DPT: variants seen among roughly 807,000 people sequenced by gnomAD.
The protein encoded by DPT is dermatopontin.
DPT carries 21 observed loss-of-function variants against 31.2 expected under a neutral mutation model. The observed-to-expected ratio is 0.67, with a 90% confidence interval of 0.48 to 0.97. The LOEUF is 0.97. Among genes scored for constraint, DPT ranks in the 50% least tolerant of loss-of-function variants. DPT has a pLI of 0.00. For missense variants in DPT, 262 were observed against 258.8 expected (o/e 1.01, Z -0.08); for synonymous variants, 91 against 86.9 (o/e 1.05, Z -0.26).
chr1:168,717,907 G>A (rs1650020815), intron 1 of DPT, among the ~76,000 whole-genome samples: 1 of 152,174 alleles, frequency 6.6e-6, no homozygotes, highest in Admixed American at 6.5e-5. Context: ...ATGGTGGAAA[G>A]GTAGCTTTAG....
chr1:168,727,480 C>G (rs1324347403), intron 1 of DPT, among the ~76,000 whole-genome samples: 1 of 152,082 alleles, frequency 6.6e-6, no homozygotes, highest in African/African-American at 2.4e-5. Context: ...GATTTCCCAT[C>G]ATCACCTCTC....
intron 2 of DPT, among the ~76,000 whole-genome samples, chr1:168,710,485 T>C (rs774411829): frequency 1.8e-4 from 27 of 152,098 alleles, no homozygotes; most frequent in Non-Finnish European, 3.4e-4. Flanking sequence ...GGGTTCAGAG[T>C]GGCAAAGTCA....
intron 1 of DPT, among the ~76,000 whole-genome samples, chr1:168,722,325 CA>C (rs765851303): frequency 5.6e-4 from 85 of 152,168 alleles, no homozygotes; most frequent in Non-Finnish European, 1.0e-3. Flanking sequence ...TTATATGTTC[CA>C]AAAGCAAAAT....
intron 2 of DPT, among the ~76,000 whole-genome samples, chr1:168,713,250 A>G (rs1649905566): frequency 6.6e-6 from 1 of 152,224 alleles, no homozygotes; most frequent in African/African-American, 2.4e-5. Flanking sequence ...TTTCTGCTCC[A>G]TCATACAGTG....
chr1:168,715,178 T>C (rs1474521258), intron 1 of DPT, among the ~76,000 whole-genome samples: 3 of 152,190 alleles, frequency 2.0e-5, no homozygotes, highest in Non-Finnish European at 2.9e-5. Flanking sequence ...AGACAAGAAA[T>C]AATTTTTGCT....
chr1:168,699,244 T>C (rs978067239), intron 3 of DPT, among the ~76,000 whole-genome samples: 4 of 152,172 alleles, frequency 2.6e-5, no homozygotes, highest in Non-Finnish European at 4.4e-5. Flanking sequence ...ACCCCTGTTA[T>C]TTCGTTTTGC....
In DPT at chr1:168,695,612, G is replaced by A. The variant is rs1195082855; in HGVS notation, c.*937C>T. ...AGAAGGAAAGTTGATCCCCAGGGCA[G>A]CCTTTCCCACCAAAAAAATCAGGCC... is the stretch of plus-strand genomic sequence containing the variant. On this transcript the variant is annotated 3_prime_UTR_variant, in exon 4 of 4. Transcript: ENST00000367817. The A allele has an allele frequency of 6.6e-6, 1 of 152,264 alleles. No homozygotes were observed. The highest frequency in any genetic ancestry group is 1.9e-4 in the East Asian group (1 of 5,198). The allele number at this position is 152,264 out of a possible 1,614,324, so 9.4% of individuals were successfully genotyped here.
rs182407888 is a variant in DPT, at chr1:168,701,833, A to G, written c.432-709T>C. 1.1e-4 allele frequency among the ~76,000 whole-genome samples: 17 copies of G among 152,356 alleles called. No homozygotes were observed. In the East Asian group the frequency reaches 3.3e-3, roughly 29 times the overall value. The stretch of plus-strand genomic sequence containing the variant: ...GGAAAGTCAATGAATCTGTTTTCTG[A>G]TCTGTAGAAGAATAAAGTCTACCTT... On this transcript the variant is annotated intron_variant, in intron 2 of 3. Transcript: ENST00000367817.
At chr1:168,699,077 G>A (rs1394742586) in intron 3 of DPT, among the ~76,000 whole-genome samples, 2 of 152,094 alleles carry the variant, frequency 1.3e-5, no homozygotes, top group Non-Finnish European at 2.9e-5. Flanking sequence ...TGAATTTACT[G>A]AAAACTGAAT....
chr1:168,724,377 G>A (rs751077753), intron 1 of DPT, among the ~76,000 whole-genome samples: 5 of 152,218 alleles, frequency 3.3e-5, no homozygotes, highest in African/African-American at 4.8e-5. Context: ...CTTGCGGAGG[G>A]CCGTGGGGAC....
intron 2 of DPT, among the ~76,000 whole-genome samples, chr1:168,707,576 G>A (rs1182971326): frequency 6.6e-6 from 1 of 152,144 alleles, no homozygotes; most frequent in Admixed American, 6.5e-5. Flanking sequence ...AAATACAGTC[G>A]ATATGGTTTG....
At chr1:168,722,560 G>T (rs1379127074) in intron 1 of DPT, among the ~76,000 whole-genome samples, 1 of 152,074 alleles carries the variant, frequency 6.6e-6, no homozygotes. Context: ...CTATAAAATG[G>T]GTTCAAATAA....
At chr1:168,698,775 A>G (rs1649521300) in intron 3 of DPT, among the ~76,000 whole-genome samples, 1 of 152,178 alleles carries the variant, frequency 6.6e-6, no homozygotes, top group South Asian at 2.1e-4. Context: ...ACAGCATTCT[A>G]AGAGGAAACC....
intron 1 of DPT, among the ~76,000 whole-genome samples, chr1:168,728,581 C>T (rs1005824549): frequency 3.3e-5 from 5 of 151,364 alleles, no homozygotes; most frequent in African/African-American, 1.2e-4. Context: ...TTCTCGCCGA[C>T]CTACACCAGC....
chr1:168,729,082 A>T lies in DPT; in HGVS notation c.93T>A (p.His31Gln), dbSNP rs1274806080. ...TCACCCACCCATCATCGCTGTAGTC[A>T]TGATACTGCTGGTATGGGTATCCAT... ...GDYGYPYQQY[H>Q]DYSDDGWVNL... The change falls in exon 1 of 4, where the codon CAT becomes CAA. Residue 31 changes from histidine to glutamine, a missense_variant. His to Gln is a conservative substitution (Grantham distance 24). Coordinates refer to ENST00000367817, the MANE Select transcript of DPT (RefSeq NM_001937.5). 1 of 1,614,232 alleles carries T rather than the reference A, an allele frequency of 6.2e-7. No individual in the cohort carries two copies. Among genetic ancestry groups the T allele is most frequent in the Non-Finnish European group, 8.5e-7 (1 of 1,180,054 alleles).
At chr1:168,708,450 C>T (rs1487932441) in intron 2 of DPT, among the ~76,000 whole-genome samples, 1 of 152,192 alleles carries the variant, frequency 6.6e-6, no homozygotes, top group Admixed American at 6.5e-5. Context: ...CATCTAAACC[C>T]AATATAAGTT....
chr1:168,728,804 GC>G (rs1262647715), intron 1 of DPT, 65 bp downstream of exon 1: 2 of 1,559,034 alleles, frequency 1.3e-6, no homozygotes, highest in East Asian at 4.5e-5. Context: ...GAGTCTAGCA[GC>G]CCCCAGGAGG....
At position 168,698,440 on chromosome 1, in the gene DPT, T is replaced by C. The variant is rs115951097; in HGVS notation, c.540-1825A>G. 7.2e-3 allele frequency among the ~76,000 whole-genome samples: 1,100 copies of C among 152,326 alleles called. 13 individuals are homozygous for C. Among genetic ancestry groups the C allele is most frequent in the African/African-American group, 0.025 (1,056 of 41,564 alleles). ...TGCAGCCAGGTCTTATTTATCTGTG[T>C]AGCAACAAACACAGATAAACAAGAT... On this transcript the variant is annotated intron_variant, in intron 3 of 3. Coordinates refer to ENST00000367817, the MANE Select transcript of DPT (RefSeq NM_001937.5).
chr1:168,702,508 T>C (rs943633740), intron 2 of DPT, among the ~76,000 whole-genome samples: 1 of 152,176 alleles, frequency 6.6e-6, no homozygotes, highest in Non-Finnish European at 1.5e-5. Flanking sequence ...CCTGTGTTTT[T>C]GCTTAACGAG....
Sources: allele counts gnomAD v4.1 joint callset (sites outside exome capture counted in the v4.1 genomes callset), GRCh38; gene constraint gnomAD v4.1.1; transcripts MANE v1.5; gene names NCBI Gene and HGNC (gene_info 2026-07-23, HGNC 2026-07-21).